MDGA2: variants seen among roughly 807,000 people sequenced by gnomAD.
MDGA2 encodes MAM domain-containing glycosylphosphatidylinositol anchor protein 2.
Under a neutral mutation model 117.8 loss-of-function variants are expected in MDGA2, and 40 were observed. The ratio of observed to expected loss-of-function variants is 0.34; its 90% CI spans 0.26 to 0.44. MDGA2 has a LOEUF of 0.44. Ranked by LOEUF, MDGA2 falls within the 20% of genes least tolerant of loss-of-function variation. MDGA2 has a pLI of 1.00. For missense variants in MDGA2, 1,123 were observed against 1,250.6 expected (o/e 0.90, Z 1.54); for synonymous variants, 452 against 439.0 (o/e 1.03, Z -0.37).
At chr14:47,623,065 A>G (rs946353355) in intron 1 of MDGA2, among the ~76,000 whole-genome samples, 2 of 152,208 alleles carry the variant, frequency 1.3e-5, no homozygotes, top group African/African-American at 4.8e-5. Context: ...CAATTAGATC[A>G]AGAGGGCTCT....
chr14:47,561,141 G>GTTTGTTTTTTTTTTTTT (rs1555332241), intron 1 of MDGA2, among the ~76,000 whole-genome samples: 18 of 52,138 alleles, frequency 3.5e-4, no homozygotes, highest in South Asian at 2.3e-3. Flanking sequence ...CTCTATCTTT[G>GTTTGTTTTTTTTTTTTT]TTTTTTTTTT....
At chr14:47,636,764 G>A (rs1216493402) in intron 1 of MDGA2, among the ~76,000 whole-genome samples, 23 of 134,604 alleles carry the variant, frequency 1.7e-4, no homozygotes, top group African/African-American at 6.6e-4. Flanking sequence ...CAGCCTGGGC[G>A]ACAGAGCGAG....
intron 1 of MDGA2, among the ~76,000 whole-genome samples, chr14:47,377,610 C>T (rs1891509437): frequency 6.6e-6 from 1 of 152,134 alleles, no homozygotes; most frequent in African/African-American, 2.4e-5. Context: ...GAGCCTTGCT[C>T]ACTGCTAGCA....
At chr14:47,440,777 C>T (rs1451226751) in intron 1 of MDGA2, among the ~76,000 whole-genome samples, 1 of 151,990 alleles carries the variant, frequency 6.6e-6, no homozygotes, top group Non-Finnish European at 1.5e-5. Flanking sequence ...CCCTTTGTCC[C>T]CATAGTTATG....
chr14:47,341,797 T>C (rs1158631961), intron 1 of MDGA2, among the ~76,000 whole-genome samples: 1 of 152,114 alleles, frequency 6.6e-6, no homozygotes, highest in Non-Finnish European at 1.5e-5. Flanking sequence ...AGCAGCATGG[T>C]ATTGTGGGAG....
intron 3 of MDGA2, among the ~76,000 whole-genome samples, chr14:47,203,801 C>G (rs1326674682): frequency 2.0e-5 from 3 of 151,846 alleles, no homozygotes; most frequent in Non-Finnish European, 2.9e-5. Context: ...TTTTAAATCA[C>G]AAGAGATTAG....
chr14:47,385,674 G>A (rs1441376148), intron 1 of MDGA2, among the ~76,000 whole-genome samples: 4 of 152,096 alleles, frequency 2.6e-5, no homozygotes, highest in South Asian at 2.1e-4. Flanking sequence ...CATTAGCAAT[G>A]CTGTCACTGT....
intron 1 of MDGA2, among the ~76,000 whole-genome samples, chr14:47,565,761 A>G (rs1895905287): frequency 6.6e-6 from 1 of 152,174 alleles, no homozygotes. Flanking sequence ...ACTGGGGTCC[A>G]TGTGCACACA....
intron 1 of MDGA2, among the ~76,000 whole-genome samples, chr14:47,595,547 C>CAAAA (rs777715271): frequency 2.9e-5 from 2 of 69,056 alleles, no homozygotes; most frequent in Non-Finnish European, 5.1e-5. Context: ...AACCAAAAAA[C>CAAAA]AAAAAAAAAC....
At chr14:47,067,592 GC>G (rs1433959624) in intron 6 of MDGA2, among the ~76,000 whole-genome samples, 1 of 150,158 alleles carries the variant, frequency 6.7e-6, no homozygotes, top group Non-Finnish European at 1.5e-5. Context: ...AGAGCCGCGT[GC>G]CTCTTTCTTT....
chr14:47,485,493 T>C (rs1438802191), intron 1 of MDGA2, among the ~76,000 whole-genome samples: 2 of 152,204 alleles, frequency 1.3e-5, no homozygotes, highest in Admixed American at 6.5e-5. Context: ...AAATCCCATT[T>C]TCTGAGGAGA....
chr14:47,469,210 G>T (rs962693072), intron 1 of MDGA2, among the ~76,000 whole-genome samples: 5 of 151,704 alleles, frequency 3.3e-5, no homozygotes, highest in Non-Finnish European at 7.4e-5. Context: ...CAATGTGCAG[G>T]TTTGTTACAT....
chr14:47,209,358 G>A (rs1363750259), intron 3 of MDGA2, among the ~76,000 whole-genome samples: 1 of 152,108 alleles, frequency 6.6e-6, no homozygotes, highest in East Asian at 1.9e-4. Flanking sequence ...AGCTCAGAAG[G>A]CTTATAGAAT....
intron 6 of MDGA2, among the ~76,000 whole-genome samples, chr14:47,085,203 A>G (rs1890853406): frequency 6.6e-6 from 1 of 152,186 alleles, no homozygotes; most frequent in African/African-American, 2.4e-5. Context: ...ATGAGGAAAA[A>G]CAGAAAATAA....
intron 5 of MDGA2, among the ~76,000 whole-genome samples, chr14:47,117,263 T>G (rs2139084091): frequency 6.6e-6 from 1 of 152,224 alleles, no homozygotes; most frequent in Admixed American, 6.5e-5. Flanking sequence ...ACGATAAGTG[T>G]CAGCAAGGAT....
chr14:47,568,953 CT>C lies in MDGA2; in HGVS notation c.280+105563del, dbSNP rs547050831. On this transcript the variant is annotated intron_variant, in intron 1 of 16. Coordinates refer to ENST00000399232, the MANE Select transcript of MDGA2 (RefSeq NM_001113498.3). ...TCTTACTAAAACATAAAATTAATGT[CT>C]TTTTTTTTTTTAACAGAGTCTCAGT... 8.4e-3 allele frequency among the ~76,000 whole-genome samples: 1,187 copies of C among 141,268 alleles called. 6 individuals are homozygous for C. The highest frequency in any genetic ancestry group is 0.02 in the African/African-American group (774 of 38,948). The allele number at this position is 141,268 out of a possible 152,430, so 92.7% of individuals were successfully genotyped here.
intron 3 of MDGA2, among the ~76,000 whole-genome samples, chr14:47,173,591 G>A (rs1884285698): frequency 6.6e-6 from 1 of 152,068 alleles, no homozygotes; most frequent in South Asian, 2.1e-4. Context: ...TTACAGACAA[G>A]CAAATGCTGA....
At chr14:47,490,931 G>A (rs1594884042) in intron 1 of MDGA2, among the ~76,000 whole-genome samples, 1 of 152,106 alleles carries the variant, frequency 6.6e-6, no homozygotes, top group African/African-American at 2.4e-5. Flanking sequence ...CAATAAGAGG[G>A]AACAACATTT....
intron 1 of MDGA2, among the ~76,000 whole-genome samples, chr14:47,410,764 A>C (rs757666741): frequency 1.3e-5 from 2 of 152,170 alleles, no homozygotes. Context: ...GTTCTCTCTA[A>C]ATTAAACTTG....
Sources: gnomAD v4.1 joint callset for allele counts (sites outside exome capture counted in the v4.1 genomes callset) on GRCh38, gnomAD v4.1.1 for gene constraint, MANE v1.5 for transcripts, NCBI Gene and HGNC (gene_info 2026-07-23, HGNC 2026-07-21) for gene names.